DLG2: variants seen among roughly 807,000 people sequenced by gnomAD.
The protein encoded by DLG2 is discs large MAGUK scaffold protein 2, also known as disks large homolog 2.
A neutral mutation model predicts 132.5 loss-of-function variants in DLG2; 45 were observed. That is an observed-to-expected ratio of 0.34 (90% CI 0.27 to 0.44). DLG2 has a LOEUF of 0.44. Among genes scored for constraint, DLG2 ranks in the 20% least tolerant of loss-of-function variants. DLG2 has a pLI of 1.00. For missense variants in DLG2, 1,045 were observed against 1,196.9 expected (o/e 0.87, Z 1.87); for synonymous variants, 424 against 419.6 (o/e 1.01, Z -0.13).
chr11:84,502,278 CCTTCTTTCTTTCTTTCTTTCTTT>C, intron 7 of DLG2, among the ~76,000 whole-genome samples: 1 of 53,720 alleles, frequency 1.9e-5, no homozygotes, highest in East Asian at 3.2e-4. Flanking sequence ...TTCCTTCCTT[CCTTCTTTCTTTCTTTCTTTCTTT>C]CTTTCTTTCT....
At chr11:84,674,398 G>A (rs2099709171) in intron 6 of DLG2, among the ~76,000 whole-genome samples, 1 of 152,122 alleles carries the variant, frequency 6.6e-6, no homozygotes, top group South Asian at 2.1e-4. Context: ...AATTAAATAA[G>A]TATTTATTGA....
At chr11:84,986,808 C>A (rs1429903981) in intron 6 of DLG2, among the ~76,000 whole-genome samples, 2 of 152,104 alleles carry the variant, frequency 1.3e-5, no homozygotes, top group East Asian at 1.9e-4. Flanking sequence ...CAACATAATA[C>A]TGAATGGAGA....
intron 6 of DLG2, among the ~76,000 whole-genome samples, chr11:84,778,908 T>G (rs1450324142): frequency 6.6e-6 from 1 of 152,206 alleles, no homozygotes; most frequent in African/African-American, 2.4e-5. Flanking sequence ...GCCTTTCTAT[T>G]TCTCCTGTGA....
At chr11:84,471,632 C>G (rs953048809) in intron 7 of DLG2, among the ~76,000 whole-genome samples, 3 of 151,708 alleles carry the variant, frequency 2.0e-5, no homozygotes, top group African/African-American at 7.2e-5. Context: ...AAGGGGTGAA[C>G]AGCCAATTTG....
At chr11:84,768,407 AC>A (rs1193250098) in intron 6 of DLG2, among the ~76,000 whole-genome samples, 1 of 151,954 alleles carries the variant, frequency 6.6e-6, no homozygotes, top group African/African-American at 2.4e-5. Context: ...AATGTGTAGA[AC>A]TTGTTACTTC....
chr11:84,259,531 G>A (rs1194785006), intron 7 of DLG2, among the ~76,000 whole-genome samples: 2 of 152,098 alleles, frequency 1.3e-5, no homozygotes, highest in African/African-American at 4.8e-5. Context: ...AACTATGTGA[G>A]TGCCTGAGGG....
chr11:84,879,962 A>G (rs1286492262), intron 6 of DLG2, among the ~76,000 whole-genome samples: 2 of 152,160 alleles, frequency 1.3e-5, no homozygotes, highest in Non-Finnish European at 2.9e-5. Flanking sequence ...AATCAGTGAC[A>G]GCCTAGGAAA....
intron 7 of DLG2, among the ~76,000 whole-genome samples, chr11:84,517,498 A>G (rs1054116175): frequency 6.6e-6 from 1 of 152,126 alleles, no homozygotes. Flanking sequence ...AAGATAATAA[A>G]CGCTGGCAAG....
intron 4 of DLG2, among the ~76,000 whole-genome samples, chr11:85,268,096 G>C (rs1340689928): frequency 6.6e-6 from 1 of 152,134 alleles, no homozygotes; most frequent in African/African-American, 2.4e-5. Flanking sequence ...AAATTTCAAA[G>C]AGTGTAGAAT....
At chr11:83,947,802 C>T (rs1045892626) in intron 14 of DLG2, among the ~76,000 whole-genome samples, 2 of 152,212 alleles carry the variant, frequency 1.3e-5, no homozygotes, top group Admixed American at 1.3e-4. Context: ...AGTCTAACAT[C>T]TGTTCTCTTA....
chr11:84,240,215 G>C (rs911723807), intron 8 of DLG2, among the ~76,000 whole-genome samples: 1 of 152,150 alleles, frequency 6.6e-6, no homozygotes, highest in African/African-American at 2.4e-5. Flanking sequence ...AACCCCCAAG[G>C]GTGGTAAAAA....
intron 3 of DLG2, among the ~76,000 whole-genome samples, chr11:85,460,781 T>C (rs527784372): frequency 6.6e-6 from 1 of 152,232 alleles, no homozygotes; most frequent in African/African-American, 2.4e-5. Flanking sequence ...TCTAGTATCT[T>C]GATCTTTGTA....
intron 6 of DLG2, among the ~76,000 whole-genome samples, chr11:84,931,833 T>C (rs1167777671): frequency 1.3e-5 from 2 of 152,242 alleles, no homozygotes; most frequent in Non-Finnish European, 2.9e-5. Context: ...AGATGGTATC[T>C]CTTTGTGGTT....
intron 3 of DLG2, among the ~76,000 whole-genome samples, chr11:85,531,379 C>A (rs1208023044): frequency 6.6e-6 from 1 of 152,222 alleles, no homozygotes; most frequent in African/African-American, 2.4e-5. Flanking sequence ...CCCCGAATTT[C>A]TACAACCTCA....
intron 8 of DLG2, among the ~76,000 whole-genome samples, chr11:84,167,990 CT>C (rs1436393625): frequency 6.6e-6 from 1 of 152,136 alleles, no homozygotes; most frequent in Non-Finnish European, 1.5e-5. Flanking sequence ...TTTTATATAT[CT>C]CTGTGTCACA....
intron 10 of DLG2, among the ~76,000 whole-genome samples, chr11:84,093,898 A>G (rs1047232609): frequency 6.6e-6 from 1 of 151,732 alleles, no homozygotes; most frequent in Non-Finnish European, 1.5e-5. Context: ...TACAGGCATG[A>G]GCCATCGCGC....
At chr11:85,517,276 C>T (rs930537745) in intron 3 of DLG2, among the ~76,000 whole-genome samples, 5 of 151,802 alleles carry the variant, frequency 3.3e-5, no homozygotes, top group African/African-American at 1.2e-4. Context: ...ATAGAAGAAA[C>T]ATACCTCAAA....
At chr11:85,579,793 C>T (rs1204292737) in intron 3 of DLG2, among the ~76,000 whole-genome samples, 2 of 152,074 alleles carry the variant, frequency 1.3e-5, no homozygotes, top group Non-Finnish European at 2.9e-5. Flanking sequence ...TTCAAGCAAT[C>T]CACCCACCTC....
intron 6 of DLG2, among the ~76,000 whole-genome samples, chr11:84,927,088 T>C (rs1001717654): frequency 2.6e-5 from 4 of 152,048 alleles, no homozygotes; most frequent in Non-Finnish European, 5.9e-5. Flanking sequence ...TTGGCTTGTA[T>C]TTTTAACAGT....
Sources: gnomAD v4.1 joint callset for allele counts (sites outside exome capture counted in the v4.1 genomes callset) on GRCh38, gnomAD v4.1.1 for gene constraint, MANE v1.5 for transcripts, NCBI Gene and HGNC (gene_info 2026-07-23, HGNC 2026-07-21) for gene names.